The following PDE4D variants were observed in gnomAD, a reference collection of about 807,000 sequenced individuals.
PDE4D encodes the protein 3',5'-cyclic-AMP phosphodiesterase 4D.
PDE4D carries 24 observed loss-of-function variants against 87.4 expected under a neutral mutation model. The ratio of observed to expected loss-of-function variants is 0.27; its 90% CI spans 0.20 to 0.39. PDE4D has a LOEUF of 0.39. PDE4D is among the 10% of genes least tolerant of loss of function. The probability of loss-of-function intolerance (pLI) is 1.00; values close to 1 mark genes in which losing one functional copy is unlikely to be tolerated. For synonymous variants in PDE4D, 384 were observed against 383.2 expected (o/e 1.00, Z -0.02); for missense variants, 714 against 1,041.0 (o/e 0.69, Z 4.32).
chr5:59,342,877 C>T (rs1334114035), intron 1 of PDE4D, among the ~76,000 whole-genome samples: 2 of 152,100 alleles, frequency 1.3e-5, no homozygotes, highest in East Asian at 1.9e-4. Flanking sequence ...GTACACATTA[C>T]GGAAGAGCTA....
intron 5 of PDE4D, among the ~76,000 whole-genome samples, chr5:59,154,373 G>C (rs146173205): frequency 5.7e-4 from 87 of 152,126 alleles, no homozygotes; most frequent in African/African-American, 2.0e-3. Context: ...ATTTATCTTT[G>C]ATATTATAGA....
rs1292140974 is a variant in PDE4D at position 59,507,920 on chromosome 5, T to G, written c.456-291952A>C. The stretch of plus-strand genomic sequence containing the variant: ...TGCTTACATGGGTATGTTATCTTCA[T>G]GGAAATTTACCACATTTTACATTTA... On this transcript the variant is annotated intron_variant, in intron 1 of 14. Coordinates refer to ENST00000340635, the MANE Select transcript of PDE4D (RefSeq NM_001104631.2). Among the ~76,000 whole-genome samples, 4 of 152,148 alleles carry G rather than the reference T, an allele frequency of 2.6e-5. No homozygotes were observed. In the East Asian group the frequency reaches 7.7e-4, roughly 29 times the overall value.
intron 2 of PDE4D, among the ~76,000 whole-genome samples, chr5:59,993,859 T>A (rs1763262313): frequency 6.6e-6 from 1 of 152,050 alleles, no homozygotes; most frequent in Non-Finnish European, 1.5e-5. Context: ...AACTGTAATA[T>A]GAACCTGCTA....
Position 58,991,922 on chromosome 5 carries a change from T to C in PDE4D, c.1098A>G (p.Gly366=). 6.2e-7 allele frequency: 1 copy of C among 1,606,204 alleles called. No individual in the cohort carries two copies. Among genetic ancestry groups the C allele is most frequent in the Non-Finnish European group, 8.5e-7 (1 of 1,175,794 alleles). The part of the protein sequence containing the change: ...KKKRPMSQIS[G]VKKLMHSSSL... ...TAGAGCTGTGCATCAATTTCTTGAC[T>C]CCACTGATCTGAGACATTGGTCTTT... The change falls in exon 8 of 15, where the codon GGA becomes GGG. Residue 366 remains glycine, a synonymous_variant. Transcript: ENST00000340635.
intron 1 of PDE4D, among the ~76,000 whole-genome samples, chr5:59,415,526 A>G (rs1793449392): frequency 6.6e-6 from 1 of 152,188 alleles, no homozygotes; most frequent in Non-Finnish European, 1.5e-5. Context: ...CTTACTTAAT[A>G]TTTATGAATT....
At chr5:59,001,899 T>C (rs979261880) in intron 6 of PDE4D, among the ~76,000 whole-genome samples, 5 of 152,228 alleles carry the variant, frequency 3.3e-5, no homozygotes, top group Non-Finnish European at 5.9e-5. Context: ...AACAGGTGTT[T>C]CATGTGCGTC....
intron 1 of PDE4D, among the ~76,000 whole-genome samples, chr5:60,223,187 G>GA (rs1426626922): frequency 6.6e-6 from 1 of 152,008 alleles, no homozygotes; most frequent in African/African-American, 2.4e-5. Flanking sequence ...GTTAAATTAG[G>GA]AAAATCAACA....
intron 1 of PDE4D, among the ~76,000 whole-genome samples, chr5:59,459,670 A>G (rs1402256331): frequency 6.6e-6 from 1 of 152,080 alleles, no homozygotes; most frequent in East Asian, 1.9e-4. Flanking sequence ...TTAGATTTTG[A>G]CTCTAATTCT....
At chr5:59,114,402 C>A (rs950205257) in intron 5 of PDE4D, among the ~76,000 whole-genome samples, 4 of 152,020 alleles carry the variant, frequency 2.6e-5, no homozygotes, top group Non-Finnish European at 2.9e-5. Context: ...TATAAGGAGG[C>A]ACAAATTTAG....
rs201582088 is a variant in PDE4D, at chr5:59,349,128, A to G, written c.456-133160T>C. The stretch of plus-strand genomic sequence containing the variant: ...ACATTCAGACAAGTTTTAAAGTAGC[A>G]TATAGTATTCTTCCTTTGCCAATGG... On this transcript the variant is annotated intron_variant, in intron 1 of 14. Transcript: ENST00000340635. Among the ~76,000 whole-genome samples, 25 of 152,272 alleles carry G rather than the reference A, an allele frequency of 1.6e-4. No homozygotes were observed. The East Asian group carries it at 4.0e-3, about 25-fold the overall frequency.
intron 2 of PDE4D, among the ~76,000 whole-genome samples, chr5:60,173,819 C>G (rs1415362083): frequency 1.3e-5 from 2 of 151,998 alleles, no homozygotes; most frequent in African/African-American, 4.8e-5. Flanking sequence ...AGGTGATCCC[C>G]AGGGCATTGG....
intron 1 of PDE4D, among the ~76,000 whole-genome samples, chr5:59,415,920 A>G (rs1003961735): frequency 2.6e-5 from 4 of 152,204 alleles, no homozygotes; most frequent in African/African-American, 9.7e-5. Flanking sequence ...GCGTTGGTCT[A>G]TATCCTGAGA....
intron 5 of PDE4D, among the ~76,000 whole-genome samples, chr5:59,045,184 C>A (rs1036075110): frequency 7.9e-5 from 12 of 152,178 alleles, no homozygotes; most frequent in African/African-American, 2.9e-4. Context: ...GCTGAGTCCT[C>A]AAGAATGAAA....
chr5:59,378,905 AG>A (rs1785223749), intron 1 of PDE4D, among the ~76,000 whole-genome samples: 1 of 152,158 alleles, frequency 6.6e-6, no homozygotes, highest in African/African-American at 2.4e-5. Flanking sequence ...TTATAGGGAA[AG>A]GCAAGGGCAG....
intron 1 of PDE4D, among the ~76,000 whole-genome samples, chr5:59,849,180 T>C (rs1744312277): frequency 6.6e-6 from 1 of 152,028 alleles, no homozygotes. Context: ...CATTAATCAT[T>C]CATTTAAACA....
intron 11 of PDE4D, among the ~76,000 whole-genome samples, 151 bp from the exon 12 acceptor site, chr5:58,977,496 A>G (rs942042247): frequency 1.3e-5 from 2 of 152,232 alleles, no homozygotes; most frequent in African/African-American, 2.4e-5. Flanking sequence ...AATAAATCAG[A>G]TAACATAAGA....
intron 1 of PDE4D, among the ~76,000 whole-genome samples, chr5:59,821,801 C>T (rs1346359400): frequency 6.6e-6 from 1 of 152,134 alleles, no homozygotes; most frequent in Non-Finnish European, 1.5e-5. Context: ...CACACTGTGG[C>T]CAATTTCAAT....
chr5:59,509,589 AG>A (rs1280122342), intron 1 of PDE4D, among the ~76,000 whole-genome samples: 1 of 151,528 alleles, frequency 6.6e-6, no homozygotes, highest in Non-Finnish European at 1.5e-5. Context: ...GGACAGTAAA[AG>A]GGTAAAGATA....
At chr5:59,671,640 T>C (rs184692916) in intron 1 of PDE4D, among the ~76,000 whole-genome samples, 2 of 151,828 alleles carry the variant, frequency 1.3e-5, no homozygotes, top group Non-Finnish European at 2.9e-5. Context: ...AAACCCCTTC[T>C]CTACAAAAAA....
Sources: allele counts gnomAD v4.1 joint callset (sites outside exome capture counted in the v4.1 genomes callset), GRCh38; gene constraint gnomAD v4.1.1; transcripts MANE v1.5; gene names NCBI Gene and HGNC (gene_info 2026-07-23, HGNC 2026-07-21).